Variants in C5orf22 observed in about 807,000 individuals in gnomAD.
C5orf22 encodes the protein UPF0489 protein C5orf22.
In C5orf22, 36 loss-of-function variants were observed where a neutral mutation model predicts 48.7. The observed-to-expected ratio is 0.74, with a 90% CI of 0.57 to 0.98. The LOEUF (loss-of-function observed/expected upper bound fraction) is 0.98. C5orf22 is among the 50% of genes least tolerant of loss of function. C5orf22 has a pLI of 0.00. For synonymous variants in C5orf22, 141 were observed against 180.8 expected (o/e 0.78, Z 1.76); for missense variants, 486 against 521.9 (o/e 0.93, Z 0.67).
At chr5:31,542,030 G>A (rs1341146680) in intron 6 of C5orf22, among the ~76,000 whole-genome samples, 1 of 152,084 alleles carries the variant, frequency 6.6e-6, no homozygotes, top group Non-Finnish European at 1.5e-5. Context: ...CTAAATATGA[G>A]ATACTATACA....
chr5:31,545,907 A>G (rs915667265), intron 7 of C5orf22, among the ~76,000 whole-genome samples, 195 bp downstream of exon 7: 1 of 152,212 alleles, frequency 6.6e-6, no homozygotes, highest in Non-Finnish European at 1.5e-5. Context: ...AAAGTCTTCC[A>G]GGAAAAACTT....
At chr5:31,532,535 C>A in intron 1 of C5orf22, 62 bp downstream of exon 1, 2 of 1,401,204 alleles carry the variant, frequency 1.4e-6, no homozygotes, top group Non-Finnish European at 2.0e-6. Flanking sequence ...CTCAGAGGGC[C>A]AAGCAGAGGG....
chr5:31,534,977 G>C (rs927699980), intron 2 of C5orf22: 3 of 454,256 alleles, frequency 6.6e-6, no homozygotes, highest in Non-Finnish European at 1.3e-5. Context: ...GGATTCTCAC[G>C]TCTATTTCTG....
intron 6 of C5orf22, among the ~76,000 whole-genome samples, chr5:31,543,290 G>T (rs568593606): frequency 6.6e-6 from 1 of 152,184 alleles, no homozygotes; most frequent in African/African-American, 2.4e-5. Context: ...GTTAATGGCC[G>T]GGCGTGGTGG....
rs938370889 is a variant in C5orf22, at chr5:31,554,507, GATA to G, written c.*1609_*1611del. 5.3e-5 allele frequency: 8 copies of G among 152,124 alleles called. No homozygotes were observed. The highest frequency in any genetic ancestry group is 1.0e-4 in the Non-Finnish European group (7 of 68,018). The allele number at this position is 152,124 out of a possible 1,614,324, so 9.4% of individuals were successfully genotyped here. A position where few individuals can be genotyped will look rare whatever the true frequency, so the allele number is the denominator to read the frequency against. ...CTGACTCAGCTTTCCATTTTCATAG[GATA>G]ATATGTGCCAAAAAAGGTTTATTTT... On this transcript the variant is annotated 3_prime_UTR_variant, in exon 9 of 9. Coordinates refer to ENST00000325366, the MANE Select transcript of C5orf22 (RefSeq NM_018356.3).
chr5:31,552,932 T>C lies in C5orf22; in HGVS notation c.*30T>C. The C allele has an allele frequency of 6.2e-7, 1 of 1,608,114 alleles. No homozygotes were observed. The highest frequency in any genetic ancestry group is 8.5e-7 in the Non-Finnish European group (1 of 1,176,652). On this transcript the variant is annotated 3_prime_UTR_variant, in exon 9 of 9. Coordinates refer to ENST00000325366, the MANE Select transcript of C5orf22 (RefSeq NM_018356.3). ...AACAAAACATTAGGCTCCTGTTGTA[T>C]CTTGGTTTAGTAACAGGCCCTTAAT...
At chr5:31,534,190 T>C in intron 1 of C5orf22, 82 bp from the exon 2 acceptor site, 1 of 1,178,468 alleles carries the variant, frequency 8.5e-7, no homozygotes, top group Non-Finnish European at 1.2e-6. Context: ...GTGCATTATT[T>C]AGCATTGTTT....
Position 31,551,514 on chromosome 5 carries a change from T to C in C5orf22, c.1199+82T>C, listed in dbSNP as rs1743267060. 3.6e-6 allele frequency: 4 copies of C among 1,115,156 alleles called. No homozygotes were observed. The South Asian group carries it at 4.4e-5, about 12-fold the overall frequency. 69.1% of individuals were successfully genotyped at this position (1,115,156 alleles called of 1,614,324 possible). A position where few individuals can be genotyped will look rare whatever the true frequency, so the allele number is the denominator to read the frequency against. On this transcript the variant is annotated intron_variant, in intron 8 of 8. Transcript: ENST00000325366. Reference sequence around the variant, plus strand: ...GAACCTGTGAATATGTTACATTATATGGCAAAAGGAAATTCGCAGTGTGAT... The same window carrying C: ...GAACCTGTGAATATGTTACATTATACGGCAAAAGGAAATTCGCAGTGTGAT...
At chr5:31,533,484 A>G (rs1741850649) in intron 1 of C5orf22, among the ~76,000 whole-genome samples, 2 of 152,088 alleles carry the variant, frequency 1.3e-5, no homozygotes, top group African/African-American at 4.8e-5. Context: ...AAGAAGAGGG[A>G]TTTACTGTTG....
chr5:31,550,272 ATTAAAG>A (rs1021173635), intron 7 of C5orf22, among the ~76,000 whole-genome samples: 3 of 152,128 alleles, frequency 2.0e-5, no homozygotes, highest in African/African-American at 4.8e-5. Context: ...TTTTCAAAAC[ATTAAAG>A]TTAAGGTTGC....
At chr5:31,541,234 T>C (rs1470010789) in intron 5 of C5orf22, 47 bp from the exon 6 acceptor site, 2 of 1,577,032 alleles carry the variant, frequency 1.3e-6, no homozygotes, top group African/African-American at 2.7e-5. Context: ...GTTGCTTGTT[T>C]TTTGAAAGAA....
chr5:31,554,647 G>T lies in C5orf22; in HGVS notation c.*1745G>T, dbSNP rs1446280970. 3.3e-5 allele frequency: 5 copies of T among 152,118 alleles called. No homozygotes were observed. Among genetic ancestry groups the T allele is most frequent in the African/African-American group, 4.8e-5 (2 of 41,434 alleles). The allele number at this position is 152,118 out of a possible 1,614,324, so 9.4% of individuals were successfully genotyped here. A position where few individuals can be genotyped will look rare whatever the true frequency, so the allele number is the denominator to read the frequency against. On this transcript the variant is annotated 3_prime_UTR_variant, in exon 9 of 9. Coordinates refer to ENST00000325366, the MANE Select transcript of C5orf22 (RefSeq NM_018356.3). ...TTTTGCGTGCTAAATAAGTTAAAGG[G>T]TATGTTTTGAACTATAGCACTAATT...
chr5:31,532,616 A>C, intron 1 of C5orf22, 143 bp downstream of exon 1: 1 of 647,604 alleles, frequency 1.5e-6, no homozygotes, highest in East Asian at 3.2e-5. Context: ...TGTGGAGAGG[A>C]CCCCAAAACA....
In C5orf22 at chr5:31,538,328, A is replaced by G; in HGVS notation, c.446A>G (p.Gln149Arg). ...LYVPEDQLEN[Q>R]KPLQLDVIMV... is the part of the protein sequence containing the mutation. ...GTACCTGAAGACCAGCTAGAGAACC[A>G]AAAACCTTTACAATTGGATGTAATT... Residue 149 changes from glutamine to arginine, a missense_variant, in exon 4 of 9, where the codon CAA (glutamine) becomes CGA (arginine). Transcript: ENST00000325366. 6.2e-7 allele frequency: 1 copy of G among 1,613,680 alleles called. No individual in the cohort carries two copies. The highest frequency in any genetic ancestry group is 8.5e-7 in the Non-Finnish European group (1 of 1,179,610).
chr5:31,537,618 A>C (rs1742177418), intron 3 of C5orf22, among the ~76,000 whole-genome samples: 1 of 152,226 alleles, frequency 6.6e-6, no homozygotes, highest in Non-Finnish European at 1.5e-5. Flanking sequence ...GTCACCTTTC[A>C]TACTGAGAAT....
chr5:31,540,982 T>G lies in C5orf22; in HGVS notation c.841T>G (p.Phe281Val), dbSNP rs1742420200. Residue 281 changes from phenylalanine to valine, a missense_variant, in exon 5 of 9, where the codon TTT (phenylalanine) becomes GTT (valine). Phe to Val is a conservative substitution (Grantham distance 50, BLOSUM62 -1). This residue lies in a region of C5orf22 where 408 missense variants were observed against 444.0 expected (regional missense o/e 0.92). Coordinates refer to ENST00000325366, the MANE Select transcript of C5orf22 (RefSeq NM_018356.3). ...EYKILQELYQ[F>V]KKPGTNLTEE... ...CAAAATCTTACAAGAGCTGTACCAA[T>G]TTAAGAAACCTGGCACCAACCTAAC... 1 of 1,612,918 alleles carries G rather than the reference T, an allele frequency of 6.2e-7. No homozygotes were observed. The highest frequency in any genetic ancestry group is 1.3e-5 in the African/African-American group (1 of 74,878).
intron 6 of C5orf22, among the ~76,000 whole-genome samples, chr5:31,544,191 C>T (rs1742667826): frequency 6.6e-6 from 1 of 152,012 alleles, no homozygotes; most frequent in African/African-American, 2.4e-5. Context: ...TTTTTTTACT[C>T]CCAGCAAATT....
chr5:31,534,996 C>A (rs1391359954), intron 2 of C5orf22: 1 of 454,644 alleles, frequency 2.2e-6, no homozygotes, highest in South Asian at 1.6e-5. Context: ...TGCATTTAGT[C>A]CATTGCCATA....
chr5:31,550,107 C>T (rs1743158707), intron 7 of C5orf22, among the ~76,000 whole-genome samples: 1 of 152,102 alleles, frequency 6.6e-6, no homozygotes, highest in Admixed American at 6.5e-5. Flanking sequence ...GCAAAATGAA[C>T]ATCCAGAATT....
Sources: gnomAD v4.1 joint callset for allele counts (sites outside exome capture counted in the v4.1 genomes callset) on GRCh38, gnomAD v4.1.1 for gene constraint, gnomAD v4.1.1 regional missense constraint, MANE v1.5 for transcripts, NCBI Gene and HGNC (gene_info 2026-07-23, HGNC 2026-07-21) for gene names.